TYW1B: variants seen among roughly 807,000 people sequenced by gnomAD.
The protein encoded by TYW1B is tRNA-yW synthesizing protein 1 homolog B.
A neutral mutation model predicts 86.9 loss-of-function variants in TYW1B; 73 were observed. The ratio of observed to expected loss-of-function variants is 0.84; its 90% CI spans 0.70 to 1.02. The LOEUF (loss-of-function observed/expected upper bound fraction) is 1.02, where lower values mean the gene tolerates loss of function less well. Among genes scored for constraint, TYW1B ranks in the 50% least tolerant of loss-of-function variants. TYW1B has a pLI of 0.00. For synonymous variants in TYW1B, 248 were observed against 292.8 expected (o/e 0.85, Z 1.56); for missense variants, 637 against 827.4 (o/e 0.77, Z 2.82).
At chr7:72,691,284 C>G (rs577902390) in intron 11 of TYW1B, among the ~76,000 whole-genome samples, 2 of 152,302 alleles carry the variant, frequency 1.3e-5, no homozygotes, top group East Asian at 1.9e-4. Flanking sequence ...ATGCCAAGAA[C>G]GAGAAACAAC....
intron 6 of TYW1B, among the ~76,000 whole-genome samples, chr7:72,782,194 T>C (rs1788060981): frequency 6.6e-6 from 1 of 151,894 alleles, no homozygotes. Context: ...GAGGCTGAGG[T>C]GGCAGAATCA....
intron 11 of TYW1B, among the ~76,000 whole-genome samples, chr7:72,676,691 G>C (rs782781466): frequency 5.3e-5 from 8 of 152,080 alleles, no homozygotes; most frequent in Non-Finnish European, 8.8e-5. Flanking sequence ...TGGACGTGGT[G>C]GCTCATGCCT....
At chr7:72,679,805 T>TA (rs1554448093) in intron 11 of TYW1B, among the ~76,000 whole-genome samples, 1 of 152,134 alleles carries the variant, frequency 6.6e-6, no homozygotes, top group African/African-American at 2.4e-5. Flanking sequence ...CTCTGTTACT[T>TA]ACGGAGTTAT....
At chr7:72,792,911 T>C (rs1788244388) in intron 6 of TYW1B, among the ~76,000 whole-genome samples, 1 of 152,186 alleles carries the variant, frequency 6.6e-6, no homozygotes, top group Non-Finnish European at 1.5e-5. Flanking sequence ...CAAATGTGTT[T>C]ATAAAAGGCA....
rs1192479950 is a variant in TYW1B, at chr7:72,756,528, C to T, written c.965-11927G>A. On this transcript the variant is annotated intron_variant, in intron 7 of 13. Coordinates refer to ENST00000620995, the MANE Select transcript of TYW1B (RefSeq NM_001145440.3). ...GGAATTACAGGTGTGAGCCACGACA[C>T]CCGGCCTAGTACCGTCAGATTTGAG... Among the ~76,000 whole-genome samples the T allele has an allele frequency of 4.6e-5, 7 of 152,108 alleles. No homozygotes were observed. The South Asian group carries it at 1.5e-3, about 32-fold the overall frequency.
chr7:72,632,454 T>C lies in TYW1B; in HGVS notation c.1507-3457A>G, dbSNP rs1224372292. ...TATATATACGTATATATATAAAATATATATATACATATATATATAAAATAT... is the reference window on the plus strand; with the variant it reads ...TATATATACGTATATATATAAAATACATATATACATATATATATAAAATAT... On this transcript the variant is annotated intron_variant, in intron 11 of 13. Transcript: ENST00000620995. 6.2e-5 allele frequency among the ~76,000 whole-genome samples: 6 copies of C among 97,102 alleles called. 1 individual carries two copies. The East Asian group carries it at 1.1e-3, about 17-fold the overall frequency. The allele number at this position is 97,102 out of a possible 152,430, so 63.7% of individuals were successfully genotyped here.
At chr7:72,690,186 T>C (rs1444878288) in intron 11 of TYW1B, among the ~76,000 whole-genome samples, 1 of 152,262 alleles carries the variant, frequency 6.6e-6, no homozygotes, top group Non-Finnish European at 1.5e-5. Context: ...AGTTTACTAC[T>C]GGATCTTGAC....
intron 9 of TYW1B, among the ~76,000 whole-genome samples, chr7:72,723,353 C>T (rs181425109): frequency 1.3e-5 from 2 of 152,244 alleles, no homozygotes; most frequent in East Asian, 1.9e-4. Context: ...TCACAAACTA[C>T]GAAGGAAATG....
At chr7:72,745,682 A>G (rs17764236) in intron 7 of TYW1B, among the ~76,000 whole-genome samples, 14,297 of 151,896 alleles carry the variant, frequency 0.094, 1,173 homozygotes, top group East Asian at 0.33. Context: ...AGGTTACTAA[A>G]GAAGTGAAAT....
At chr7:72,800,199 T>C (rs1325161299) in intron 6 of TYW1B, among the ~76,000 whole-genome samples, 1 of 151,522 alleles carries the variant, frequency 6.6e-6, no homozygotes, top group Non-Finnish European at 1.5e-5. Context: ...ATGTTTCACA[T>C]CTTTTTTTTT....
intron 11 of TYW1B, among the ~76,000 whole-genome samples, chr7:72,650,472 C>T (rs1305221591): frequency 1.2e-4 from 19 of 152,092 alleles, no homozygotes; most frequent in Non-Finnish European, 1.6e-4. Flanking sequence ...CTTACACTAA[C>T]ATTAGGATGC....
At position 72,709,411 on chromosome 7, in the gene TYW1B, G is replaced by A. The variant is rs62466864; in HGVS notation, c.1370+4210C>T. 7.1e-3 allele frequency among the ~76,000 whole-genome samples: 1,085 copies of A among 152,088 alleles called. 4 individuals are homozygous for A. The highest frequency in any genetic ancestry group is 9.2e-3 in the Non-Finnish European group (626 of 68,018). On this transcript the variant is annotated intron_variant, in intron 10 of 13. Coordinates refer to ENST00000620995, the MANE Select transcript of TYW1B (RefSeq NM_001145440.3). ...TGGCCGAGCGTGGTGGCTCACGCCT[G>A]TAATCCCAGCACTTTGGGAGGCCAA...
intron 5 of TYW1B, among the ~76,000 whole-genome samples, chr7:72,803,644 C>T (rs1271265622): frequency 5.9e-5 from 9 of 152,032 alleles, no homozygotes; most frequent in African/African-American, 1.9e-4. Flanking sequence ...TGTTGAGTCT[C>T]GTTCTGTCAC....
intron 6 of TYW1B, among the ~76,000 whole-genome samples, chr7:72,784,995 C>G (rs1262447802): frequency 2.0e-5 from 3 of 151,948 alleles, no homozygotes; most frequent in African/African-American, 7.3e-5. Context: ...TCCCTACCCC[C>G]CAGTCAACTC....
chr7:72,747,114 G>T (rs541901507), intron 7 of TYW1B, among the ~76,000 whole-genome samples: 85 of 152,180 alleles, frequency 5.6e-4, no homozygotes, highest in African/African-American at 2.0e-3. Context: ...GATATGGTTT[G>T]GCTGTGTCCC....
At chr7:72,613,797 G>C (rs1585848494) in intron 13 of TYW1B, among the ~76,000 whole-genome samples, 1 of 152,140 alleles carries the variant, frequency 6.6e-6, no homozygotes, top group East Asian at 1.9e-4. Context: ...GACATTACAA[G>C]CTGATCTGAC....
chr7:72,719,956 A>G (rs1174067997), intron 9 of TYW1B, among the ~76,000 whole-genome samples: 2 of 152,186 alleles, frequency 1.3e-5, no homozygotes, highest in Middle Eastern at 3.4e-3. Context: ...TTTTGTTTTA[A>G]GTAGATCACA....
At chr7:72,754,666 G>A (rs1554465683) in intron 7 of TYW1B, among the ~76,000 whole-genome samples, 1 of 151,376 alleles carries the variant, frequency 6.6e-6, no homozygotes, top group Admixed American at 6.6e-5. Context: ...TCCAACTCCT[G>A]ACCTCATGTA....
chr7:72,793,925 C>A (rs1788263128), intron 6 of TYW1B, among the ~76,000 whole-genome samples: 1 of 152,130 alleles, frequency 6.6e-6, no homozygotes, highest in African/African-American at 2.4e-5. Context: ...CAGCCTCTTA[C>A]CTCTAGCCCC....
Sources: allele counts gnomAD v4.1 joint callset (sites outside exome capture counted in the v4.1 genomes callset), GRCh38; gene constraint gnomAD v4.1.1; transcripts MANE v1.5; gene names NCBI Gene and HGNC (gene_info 2026-07-23, HGNC 2026-07-21).